Variants in NOS1 observed in about 807,000 individuals in gnomAD.
NOS1 encodes the protein nitric oxide synthase 1.
NOS1 carries 51 observed loss-of-function variants against 164.5 expected under a neutral mutation model. The observed-to-expected ratio is 0.31, with a 90% CI of 0.25 to 0.39. NOS1 has a LOEUF of 0.39. Among genes scored for constraint, NOS1 ranks in the 10% least tolerant of loss-of-function variants. The pLI, the probability that NOS1 is intolerant of heterozygous loss-of-function variation, is 1.00. For missense variants in NOS1, 1,362 were observed against 1,885.6 expected, an observed-to-expected ratio of 0.72 and a Z score of 5.14; for synonymous variants, 719 against 745.8, an observed-to-expected ratio of 0.96 and a Z score of 0.59.
chr12:117,270,933 C>G (rs1872745672), intron 10 of NOS1, among the ~76,000 whole-genome samples: 1 of 152,086 alleles, frequency 6.6e-6, no homozygotes, highest in South Asian at 2.1e-4. Flanking sequence ...GTCCCAGCTA[C>G]TTGGGAGGCT....
chr12:117,251,956 C>T (rs1466594332), intron 17 of NOS1, among the ~76,000 whole-genome samples: 2 of 152,102 alleles, frequency 1.3e-5, no homozygotes, highest in Non-Finnish European at 2.9e-5. Context: ...TGGTCTCAAA[C>T]TCCTGAGCCC....
chr12:117,271,049 C>T (rs1406241198), intron 10 of NOS1, among the ~76,000 whole-genome samples: 1 of 151,984 alleles, frequency 6.6e-6, no homozygotes, highest in Non-Finnish European at 1.5e-5. Flanking sequence ...TTCCCCTACC[C>T]ACCCCTCCAA....
At chr12:117,297,666 T>C (rs1873513515) in intron 3 of NOS1, among the ~76,000 whole-genome samples, 1 of 151,624 alleles carries the variant, frequency 6.6e-6, no homozygotes, top group Non-Finnish European at 1.5e-5. Flanking sequence ...GCTGGGATTA[T>C]AGGCATGAGC....
At chr12:117,293,848 CCTGT>C (rs1873224759) in intron 3 of NOS1, among the ~76,000 whole-genome samples, 1 of 152,040 alleles carries the variant, frequency 6.6e-6, no homozygotes, top group South Asian at 2.1e-4. Context: ...TACTTTCTAG[CCTGT>C]CTAAGTTATT....
chr12:117,313,574 G>A (rs1385800705), intron 2 of NOS1, among the ~76,000 whole-genome samples: 1 of 152,132 alleles, frequency 6.6e-6, no homozygotes, highest in Non-Finnish European at 1.5e-5. Flanking sequence ...GGGATTACAG[G>A]TATGAGCCAC....
intron 7 of NOS1, among the ~76,000 whole-genome samples, 192 bp downstream of exon 7, chr12:117,285,049 C>CAAAA (rs10655356): frequency 4.7e-4 from 63 of 134,610 alleles, no homozygotes; most frequent in Admixed American, 1.0e-3. Context: ...GACTCTGTCT[C>CAAAA]AAAAAAAAAA....
intron 9 of NOS1, 86 bp downstream of exon 9, chr12:117,277,873 A>G (rs1390659920): frequency 4.1e-6 from 6 of 1,469,938 alleles, no homozygotes; most frequent in Non-Finnish European, 4.6e-6. Flanking sequence ...TGGACTAGAA[A>G]GAAAGCCAGG....
intron 1 of NOS1, among the ~76,000 whole-genome samples, chr12:117,333,254 C>G (rs975972584): frequency 5.3e-5 from 8 of 152,106 alleles, no homozygotes; most frequent in African/African-American, 1.7e-4. Flanking sequence ...ATCAGAGAAC[C>G]CTTCCATCTC....
In NOS1 at chr12:117,222,765, C is replaced by T. The variant is rs546533651; in HGVS notation, c.3925G>A (p.Val1309Ile). Reference sequence around the variant, plus strand: ...TAAGCCGTGTACAGCTCTCTGAAGACCCCCTTGTTCTTGGCCTGCAGGGTC... The same window carrying T: ...TAAGCCGTGTACAGCTCTCTGAAGATCCCCTTGTTCTTGGCCTGCAGGGTC... ...EETLQAKNKGVFRELYTAYSR... is the reference protein window; with the variant it reads ...EETLQAKNKGIFRELYTAYSR... Residue 1309 changes from valine to isoleucine, a missense_variant, in exon 26 of 29, where the codon GTC becomes ATC. Transcript: ENST00000317775. 19 of 1,613,864 alleles carry T rather than the reference C, an allele frequency of 1.2e-5. 1 individual carries two copies. The African/African-American group carries it at 1.7e-4, about 15-fold the overall frequency.
chr12:117,320,287 G>C (rs768508998), intron 2 of NOS1, among the ~76,000 whole-genome samples: 1 of 152,132 alleles, frequency 6.6e-6, no homozygotes, highest in Non-Finnish European at 1.5e-5. Flanking sequence ...TATCTCCGTG[G>C]GCCAATTTAA....
At chr12:117,247,774 G>A (rs986910030) in intron 17 of NOS1, among the ~76,000 whole-genome samples, 2 of 151,828 alleles carry the variant, frequency 1.3e-5, no homozygotes, top group Non-Finnish European at 2.9e-5. Context: ...GTGAAACCCC[G>A]TCTCTACTAA....
chr12:117,293,978 G>C (rs530806160), intron 3 of NOS1, among the ~76,000 whole-genome samples: 22 of 152,264 alleles, frequency 1.4e-4, no homozygotes, highest in South Asian at 1.0e-3. Flanking sequence ...TCTTCCAGGA[G>C]GAGTCTTGGA....
chr12:117,266,051 C>T (rs1872382843), intron 11 of NOS1, among the ~76,000 whole-genome samples: 1 of 151,808 alleles, frequency 6.6e-6, no homozygotes, highest in Admixed American at 6.6e-5. Context: ...CACCCGCCTC[C>T]ACCTCCCAAA....
chr12:117,246,831 A>C (rs1178646562), intron 18 of NOS1, among the ~76,000 whole-genome samples: 2 of 152,212 alleles, frequency 1.3e-5, no homozygotes, highest in Non-Finnish European at 2.9e-5. Flanking sequence ...TGGATGAAGA[A>C]TATTCCATTG....
chr12:117,222,887 T>A (rs1868352078), intron 25 of NOS1, 24 bp from the exon 26 acceptor site: 1 of 1,608,636 alleles, frequency 6.2e-7, no homozygotes. Flanking sequence ...AGACCTTATG[T>A]CACCGATGGC....
chr12:117,321,322 A>T (rs957314124), intron 2 of NOS1, among the ~76,000 whole-genome samples: 2 of 152,090 alleles, frequency 1.3e-5, no homozygotes, highest in Non-Finnish European at 1.5e-5. Flanking sequence ...TTTATTTTTG[A>T]TTTCTCATCT....
At chr12:117,287,946 C>T (rs1872811877) in intron 5 of NOS1, 128 bp downstream of exon 5, 6 of 926,384 alleles carry the variant, frequency 6.5e-6, no homozygotes, top group Non-Finnish European at 1.6e-6. Context: ...TATGGGTAGC[C>T]AGTCTTAAGC....
At chr12:117,333,505 G>A (rs961675358) in intron 1 of NOS1, among the ~76,000 whole-genome samples, 6 of 152,174 alleles carry the variant, frequency 3.9e-5, no homozygotes, top group Non-Finnish European at 7.3e-5. Flanking sequence ...CCCAGAGGGA[G>A]GTGCCACCTC....
At chr12:117,278,571 A>T (rs1319130125) in intron 8 of NOS1, among the ~76,000 whole-genome samples, 1 of 152,178 alleles carries the variant, frequency 6.6e-6, no homozygotes, top group African/African-American at 2.4e-5. Context: ...AATTTGATGA[A>T]GGCAGATGTA....
Sources: allele counts gnomAD v4.1 joint callset (sites outside exome capture counted in the v4.1 genomes callset), GRCh38; gene constraint gnomAD v4.1.1; transcripts MANE v1.5; gene names NCBI Gene and HGNC (gene_info 2026-07-23, HGNC 2026-07-21).